The following ZFP3 variants were observed in gnomAD, a reference collection of about 807,000 sequenced individuals.
ZFP3 encodes ZFP3 zinc finger protein, also known as zinc finger protein 3 homolog.
In ZFP3, 18 loss-of-function variants were observed where a neutral mutation model predicts 36.7. The ratio of observed to expected loss-of-function variants is 0.49; its 90% confidence interval spans 0.34 to 0.73. The LOEUF is 0.73. ZFP3 is among the 30% of genes least tolerant of loss of function. The pLI, the probability that ZFP3 is intolerant of heterozygous loss-of-function variation, is 0.01. For missense variants in ZFP3, 495 were observed against 599.0 expected (o/e 0.83, Z 1.81); for synonymous variants, 218 against 199.0 (o/e 1.10, Z -0.81).
rs1007640049 is a variant in ZFP3 at position 5,095,298 on chromosome 17, C to T, written c.*2285C>T. The T allele has an allele frequency of 2.4e-5, 4 of 167,046 alleles. No individual in the cohort carries two copies. Among genetic ancestry groups the T allele is most frequent in the Non-Finnish European group, 5.9e-5 (4 of 68,102 alleles). 10.3% of individuals were successfully genotyped at this position (167,046 alleles called of 1,614,324 possible). On this transcript the variant is annotated 3_prime_UTR_variant, in exon 2 of 2. Coordinates refer to ENST00000318833, the MANE Select transcript of ZFP3 (RefSeq NM_153018.3). ...CAGATACCTCTGCCTCTAGCAGTCA[C>T]ACTCTTAGTAAGGGAAGTTGTTTGA...
In ZFP3 at chr17:5,091,526, G is replaced by T. The variant is rs1468796802; in HGVS notation, c.22G>T (p.Val8Leu). MGTENKE[V>L]IPKEEISEES... The stretch of plus-strand genomic sequence containing the variant: ...TGAGATGGGGACTGAGAACAAGGAG[G>T]TGATTCCCAAGGAAGAAATTTCTGA... The change falls in exon 2 of 2, where the codon GTG becomes TTG. Residue 8 changes from valine (V) to leucine (L), a missense_variant. Coordinates refer to ENST00000318833, the MANE Select transcript of ZFP3 (RefSeq NM_153018.3). The T allele has an allele frequency of 5.6e-6, 9 of 1,614,138 alleles. No individual in the cohort carries two copies. Among genetic ancestry groups the T allele is most frequent in the Non-Finnish European group, 7.6e-6 (9 of 1,180,002 alleles).
intron 1 of ZFP3, among the ~76,000 whole-genome samples, chr17:5,086,587 C>CTT (rs11392105): frequency 8.8e-4 from 126 of 142,430 alleles, no homozygotes; most frequent in South Asian, 1.6e-3. Flanking sequence ...CTTTCATCCA[C>CTT]TTTTTTTTTT....
At chr17:5,085,201 G>A (rs1052425273) in intron 1 of ZFP3, among the ~76,000 whole-genome samples, 3 of 151,790 alleles carry the variant, frequency 2.0e-5, no homozygotes, top group Non-Finnish European at 4.4e-5. Flanking sequence ...CACCATGCCT[G>A]GCTAATTTTT....
At chr17:5,082,100 C>G (rs942019757) in intron 1 of ZFP3, among the ~76,000 whole-genome samples, 1 of 151,646 alleles carries the variant, frequency 6.6e-6, no homozygotes, top group African/African-American at 2.4e-5. Flanking sequence ...GTAATCCCAG[C>G]ACTTTGGGAG....
intron 1 of ZFP3, among the ~76,000 whole-genome samples, chr17:5,081,345 C>G (rs34196332): frequency 2.0e-5 from 3 of 152,094 alleles, no homozygotes; most frequent in Non-Finnish European, 4.4e-5. Context: ...ACTTCCTGGC[C>G]TCTTGCTTGC....
rs1198016951 is a variant in ZFP3, at chr17:5,084,314, C to T, written c.-9+5739C>T. 8.5e-5 allele frequency among the ~76,000 whole-genome samples: 10 copies of T among 117,788 alleles called. No individual in the cohort carries two copies. The South Asian group carries it at 1.5e-3, about 18-fold the overall frequency. The allele number at this position is 117,788 out of a possible 152,430, so 77.3% of individuals were successfully genotyped here. ...TTTTTGAGACGGAGTCTCGCTCTGT[C>T]GCCCAGGCTGGAGTGCAGTGGCGGG... On this transcript the variant is annotated intron_variant, in intron 1 of 1. Transcript: ENST00000318833.
Position 5,092,937 on chromosome 17 carries a change from A to C in ZFP3, c.1433A>C (p.Glu478Ala), listed in dbSNP as rs766588855. The C allele has an allele frequency of 6.2e-7, 1 of 1,613,914 alleles. No individual in the cohort carries two copies. The highest frequency in any genetic ancestry group is 8.5e-7 in the Non-Finnish European group (1 of 1,179,940). The change falls in exon 2 of 2, where the codon GAG becomes GCG. Residue 478 changes from glutamate to alanine, a missense_variant. Around this residue, in one of 3 missense-constraint regions of ZFP3, gnomAD observed 163 missense variants for 178.4 expected, o/e 0.91. Transcript: ENST00000318833. The surrounding 1 kb of genome is among the most constrained non-coding windows in gnomAD (Gnocchi z 5.0). Reference protein sequence around the residue: ...QRIHTGEKPYECQECQKTFSR... With the variant: ...QRIHTGEKPYACQECQKTFSR... Reference sequence around the variant, plus strand: ...ATTCACACTGGAGAGAAGCCTTATGAGTGCCAAGAATGTCAGAAGACTTTT... The same window carrying C: ...ATTCACACTGGAGAGAAGCCTTATGCGTGCCAAGAATGTCAGAAGACTTTT...
At position 5,094,202 on chromosome 17, in the gene ZFP3, A is replaced by C. The variant is rs2072166994; in HGVS notation, c.*1189A>C. ...TTCTTGGTTTTGCCCCTTGGCCTTG[A>C]AATTCTTTTTTCTTGAATAACTTTA... On this transcript the variant is annotated 3_prime_UTR_variant, in exon 2 of 2. Coordinates refer to ENST00000318833, the MANE Select transcript of ZFP3 (RefSeq NM_153018.3). The C allele has an allele frequency of 6.0e-6, 1 of 167,092 alleles. No homozygotes were observed. The highest frequency in any genetic ancestry group is 6.5e-5 in the Admixed American group (1 of 15,274). The allele number at this position is 167,092 out of a possible 1,614,324, so 10.4% of individuals were successfully genotyped here.
intron 1 of ZFP3, among the ~76,000 whole-genome samples, chr17:5,086,499 C>T (rs2072121440): frequency 6.6e-6 from 1 of 152,030 alleles, no homozygotes; most frequent in African/African-American, 2.4e-5. Context: ...GGACCTATTC[C>T]TTCTAATATA....
chr17:5,087,512 G>C (rs977351060), intron 1 of ZFP3, among the ~76,000 whole-genome samples: 2 of 151,966 alleles, frequency 1.3e-5, no homozygotes, highest in Non-Finnish European at 2.9e-5. Flanking sequence ...CTTTATGAAC[G>C]GAGTCTGAAC....
intron 1 of ZFP3, among the ~76,000 whole-genome samples, chr17:5,088,306 C>A (rs1462432240): frequency 6.6e-6 from 1 of 152,066 alleles, no homozygotes; most frequent in Non-Finnish European, 1.5e-5. Flanking sequence ...CTCCTTACAC[C>A]TATCTCCAGT....
chr17:5,090,166 T>G (rs1417256651), intron 1 of ZFP3, among the ~76,000 whole-genome samples: 3 of 152,144 alleles, frequency 2.0e-5, no homozygotes, highest in African/African-American at 7.2e-5. Context: ...GACTACAAAT[T>G]TATACTAAAG....
chr17:5,091,430 G>A (rs182447780), intron 1 of ZFP3, 67 bp from the exon 2 acceptor site: 104 of 1,479,702 alleles, frequency 7.0e-5, no homozygotes, highest in Admixed American at 5.4e-4. Context: ...AAGCTCTGTT[G>A]TCCTCTAGTG....
chr17:5,089,311 CA>C (rs766346678), intron 1 of ZFP3, among the ~76,000 whole-genome samples: 8 of 152,164 alleles, frequency 5.3e-5, no homozygotes, highest in Non-Finnish European at 8.8e-5. Context: ...CCAGTATACT[CA>C]TGGTCCAGGA....
Position 5,091,988 on chromosome 17 carries a change from G to T in ZFP3, c.484G>T (p.Val162Phe). Residue 162 changes from valine to phenylalanine, a missense_variant, in exon 2 of 2, where the codon GTT (valine) becomes TTT (phenylalanine). Coordinates refer to ENST00000318833, the MANE Select transcript of ZFP3 (RefSeq NM_153018.3). Reference sequence around the variant, plus strand: ...CTCACATCTCATCCAGCATATGAGAGTTCATAGTGGAGAAAAACCCTTTGA... The same window carrying T: ...CTCACATCTCATCCAGCATATGAGATTTCATAGTGGAGAAAAACCCTTTGA... ...QNSHLIQHMR[V>F]HSGEKPFECK... 6.2e-7 allele frequency: 1 copy of T among 1,614,202 alleles called. No individual in the cohort carries two copies. Among genetic ancestry groups the T allele is most frequent in the Middle Eastern group, 1.6e-4 (1 of 6,062 alleles).
In ZFP3 at chr17:5,091,485, C is replaced by T. The variant is rs563173258; in HGVS notation, c.-8-12C>T. ...ATACGGTCCCTTCACATACTTACCT[C>T]TCTCATTTCAGATTGTGAGATGGGG... On this transcript the variant is annotated splice_polypyrimidine_tract_variant and intron_variant, in intron 1 of 1. Transcript: ENST00000318833. 4.3e-6 allele frequency: 7 copies of T among 1,609,868 alleles called. No individual in the cohort carries two copies. The highest frequency in any genetic ancestry group is 5.9e-6 in the Non-Finnish European group (7 of 1,177,884).
chr17:5,092,564 A>C lies in ZFP3; in HGVS notation c.1060A>C (p.Arg354=). ...KTFGQNSEII[R]HIRIHTGEKP... is the part of the protein sequence containing the mutation. ...TTTTGGCCAGAACTCAGAGATTATT[A>C]GACATATTAGAATTCATACTGGTGA... The change falls in exon 2 of 2, where the codon AGA becomes CGA. Residue 354 remains arginine, a synonymous_variant. Transcript: ENST00000318833. The surrounding 1 kb of genome is among the most constrained non-coding windows in gnomAD (Gnocchi z 5.0). 1 of 1,614,172 alleles carries C rather than the reference A, an allele frequency of 6.2e-7. No homozygotes were observed. Among genetic ancestry groups the C allele is most frequent in the Non-Finnish European group, 8.5e-7 (1 of 1,180,026 alleles).
rs2072168095 is a variant in ZFP3 at position 5,094,365 on chromosome 17, T to G, written c.*1352T>G. 1.2e-5 allele frequency: 2 copies of G among 167,144 alleles called. No individual in the cohort carries two copies. Among genetic ancestry groups the G allele is most frequent in the Non-Finnish European group, 2.9e-5 (2 of 68,122 alleles). 10.4% of individuals were successfully genotyped at this position (167,144 alleles called of 1,614,324 possible). On this transcript the variant is annotated 3_prime_UTR_variant, in exon 2 of 2. Transcript: ENST00000318833. ...CCATGCCCGGCCTTGAAATTCTTTCTTCGCTATGTCTGCATGTTTTTTGTG... is the reference window on the plus strand; with the variant it reads ...CCATGCCCGGCCTTGAAATTCTTTCGTCGCTATGTCTGCATGTTTTTTGTG...
Position 5,084,468 on chromosome 17 carries a change from G to A in ZFP3, c.-9+5893G>A, listed in dbSNP as rs553215336. 7.5e-3 allele frequency among the ~76,000 whole-genome samples: 914 copies of A among 121,728 alleles called. 17 individuals carry two copies. Among genetic ancestry groups the A allele is most frequent in the African/African-American group, 0.025 (794 of 31,432 alleles). The allele number at this position is 121,728 out of a possible 152,430, so 79.9% of individuals were successfully genotyped here. A position where few individuals can be genotyped will look rare whatever the true frequency, so the allele number is the denominator to read the frequency against. ...TTTTTTGTATTTTTAGTAGAGACGG[G>A]GTTTCACCGTGTTAGCCAGGATGGT... On this transcript the variant is annotated intron_variant, in intron 1 of 1. Coordinates refer to ENST00000318833, the MANE Select transcript of ZFP3 (RefSeq NM_153018.3).
Sources: gnomAD v4.1 joint callset for allele counts (sites outside exome capture counted in the v4.1 genomes callset) on GRCh38, gnomAD v4.1.1 for gene constraint, gnomAD v4.1.1 regional missense constraint, Gnocchi (gnomAD v3.1) non-coding constraint, MANE v1.5 for transcripts, NCBI Gene and HGNC (gene_info 2026-07-23, HGNC 2026-07-21) for gene names.